C2orf74: variants seen among roughly 807,000 people sequenced by gnomAD.
The protein encoded by C2orf74 is uncharacterized protein C2orf74.
Under a neutral mutation model 17.9 loss-of-function variants are expected in C2orf74, and 14 were observed. That is an observed-to-expected ratio of 0.78 (90% CI 0.52 to 1.22). The LOEUF is 1.22. Among genes scored for constraint, C2orf74 ranks in the 50% most tolerant of loss-of-function variants. The probability of loss-of-function intolerance (pLI) is 0.00; values close to 1 mark genes in which losing one functional copy is unlikely to be tolerated. For missense variants in C2orf74, 217 were observed against 218.4 expected (o/e 0.99, Z 0.04); for synonymous variants, 79 against 72.6 (o/e 1.09, Z -0.44).
rs372773386 is a variant in C2orf74 at position 61,163,137 on chromosome 2, C to T, written c.295C>T (p.Pro99Ser). 13 of 1,551,994 alleles carry T rather than the reference C, an allele frequency of 8.4e-6. No homozygotes were observed. In the African/African-American group the frequency reaches 1.8e-4, roughly 21 times the overall value. The part of the protein sequence containing the change: ...QRQSKEVLAT[P>S]LENRRDMEAE... Reference sequence around the variant, plus strand: ...ACAGAGTAAGGAAGTGTTGGCCACACCCTTAGAAAACAGAAGGGACATGGA... The same window carrying T: ...ACAGAGTAAGGAAGTGTTGGCCACATCCTTAGAAAACAGAAGGGACATGGA... The change falls in exon 4 of 5, where the codon CCC becomes TCC. Residue 99 changes from proline to serine, a missense_variant. Transcript: ENST00000432605.
upstream of C2orf74, among the ~76,000 whole-genome samples, chr2:61,160,225 A>C (rs868405670): frequency 2.0e-5 from 3 of 151,632 alleles, no homozygotes; most frequent in Middle Eastern, 3.4e-3. Flanking sequence ...CTATGGTGCA[A>C]TTTTGGCTGA....
intron 4 of C2orf74, among the ~76,000 whole-genome samples, chr2:61,164,039 C>G (rs762532884): frequency 6.8e-4 from 104 of 152,184 alleles, no homozygotes; most frequent in Non-Finnish European, 1.2e-3. Context: ...TTCCCTGACA[C>G]GAACAACTCA....
upstream of C2orf74, among the ~76,000 whole-genome samples, chr2:61,159,032 C>T (rs1296729930): frequency 6.6e-6 from 1 of 152,120 alleles, no homozygotes; most frequent in African/African-American, 2.4e-5. Flanking sequence ...GGGTCTCACT[C>T]TGTCGCCAGG....
chr2:61,155,857 C>G (rs1487414340), intron 1 of C2orf74, among the ~76,000 whole-genome samples: 1 of 151,020 alleles, frequency 6.6e-6, no homozygotes, highest in Non-Finnish European at 1.5e-5. Flanking sequence ...AGTTTTAAAG[C>G]AGAACATTGC....
At chr2:61,159,295 C>CTTTT, upstream of C2orf74, 1 of 342,006 alleles carries the variant, frequency 2.9e-6, no homozygotes, top group South Asian at 2.3e-5. Flanking sequence ...CACACCCAGC[C>CTTTT]TTTTTTTTTT....
chr2:61,159,300 T>C, upstream of C2orf74: 1 of 401,814 alleles, frequency 2.5e-6, no homozygotes, highest in South Asian at 1.8e-5. Context: ...CCAGCCTTTT[T>C]TTTTTTCTTT....
At chr2:61,148,873 C>T (rs867806638) in intron 1 of C2orf74, among the ~76,000 whole-genome samples, 1 of 152,188 alleles carries the variant, frequency 6.6e-6, no homozygotes, top group Non-Finnish European at 1.5e-5. Context: ...CACAACACCA[C>T]ACCCCGCTAA....
In C2orf74 at chr2:61,152,851, C is replaced by CA. The variant is rs11334583; in HGVS notation, c.-122+7674dup. On this transcript the variant is annotated intron_variant, in intron 1 of 3. Transcript: ENST00000426997. ...CAACAAGAGTAAATCTCCATCTCAC[C>CA]AAAAAAAAAAAAAAAAAAAGCCAGG... Among the ~76,000 whole-genome samples, 67 of 82,642 alleles carry CA rather than the reference C, an allele frequency of 8.1e-4. 1 individual carries two copies. The highest frequency in any genetic ancestry group is 9.8e-4 in the Non-Finnish European group (40 of 40,860). 54.2% of individuals were successfully genotyped at this position (82,642 alleles called of 152,430 possible). A position where few individuals can be genotyped will look rare whatever the true frequency, so the allele number is the denominator to read the frequency against.
intron 1 of C2orf74, among the ~76,000 whole-genome samples, chr2:61,146,979 CA>C (rs1685089875): frequency 6.6e-6 from 1 of 152,004 alleles, no homozygotes; most frequent in African/African-American, 2.4e-5. Context: ...GGTGAAAACC[CA>C]CATCTACAAA....
intron 1 of C2orf74, among the ~76,000 whole-genome samples, chr2:61,150,040 A>G (rs1685181132): frequency 6.6e-6 from 1 of 152,188 alleles, no homozygotes; most frequent in Admixed American, 6.5e-5. Context: ...CATGTTGCAT[A>G]ATACTGGGTC....
chr2:61,162,951 G>T lies in C2orf74; in HGVS notation c.205G>T (p.Glu69Ter). 1 of 1,552,564 alleles carries T rather than the reference G, an allele frequency of 6.4e-7. No individual in the cohort carries two copies. Among genetic ancestry groups the T allele is most frequent in the South Asian group, 1.2e-5 (1 of 84,062 alleles). ...KVVTSNPEDH[E>*]RILMQVMNLN... is the part of the protein sequence containing the mutation. ...GGTGACAAGCAATCCAGAGGACCAT[G>T]AAAGGCGAGTGTGGTGCAGGATGTG... The change falls in exon 3 of 5, where the codon GAA becomes TAA. Residue 69 changes from glutamate (E) to a stop codon, truncating the protein, a stop_gained. Transcript: ENST00000432605. LOFTEE classifies it high-confidence loss of function.
exon 1 of C2orf74, chr2:61,145,146 A>T (rs1282555442): frequency 1.3e-5 from 2 of 152,456 alleles, no homozygotes; most frequent in Admixed American, 6.5e-5. Flanking sequence ...GTCGTCCGAG[A>T]GTCTTAAAAT....
rs1295413449 is a variant in C2orf74, at chr2:61,153,894, AAAAGAAAAAG to A, written c.-122+8708_-122+8717del. The stretch of plus-strand genomic sequence containing the variant: ...ACAGAGCAACACTCCGTCTCAAAAA[AAAAGAAAAAG>A]AAAGAAAAAAAGAAAATATGTCTTC... On this transcript the variant is annotated intron_variant, in intron 1 of 3. Coordinates refer to the C2orf74 transcript ENST00000426997. Among the ~76,000 whole-genome samples, 448 of 122,192 alleles carry A rather than the reference AAAAGAAAAAG, an allele frequency of 3.7e-3. 1 individual carries two copies. Among genetic ancestry groups the A allele is most frequent in the Non-Finnish European group, 4.9e-3 (278 of 56,624 alleles). 80.2% of individuals were successfully genotyped at this position (122,192 alleles called of 152,430 possible). A position where few individuals can be genotyped will look rare whatever the true frequency, so the allele number is the denominator to read the frequency against.
chr2:61,157,466 G>C (rs1442748280), upstream of C2orf74, among the ~76,000 whole-genome samples: 1 of 152,152 alleles, frequency 6.6e-6, no homozygotes, highest in Admixed American at 6.5e-5. Context: ...TGTTGGTCAG[G>C]AATCTTGGGG....
chr2:61,145,174 C>T (rs1685030954), exon 1 of C2orf74: 1 of 152,232 alleles, frequency 6.6e-6, no homozygotes, highest in Non-Finnish European at 1.5e-5. Flanking sequence ...TGGCCGGATT[C>T]CAGACTCGTG....
chr2:61,161,943 G>A (rs1212623063), upstream of C2orf74: 1 of 153,416 alleles, frequency 6.5e-6, no homozygotes, highest in African/African-American at 2.4e-5. Flanking sequence ...GGAAAGGAAA[G>A]GTGATGTTTG....
At chr2:61,150,876 GTC>G (rs937546521) in intron 1 of C2orf74, among the ~76,000 whole-genome samples, 1 of 152,184 alleles carries the variant, frequency 6.6e-6, no homozygotes, top group Non-Finnish European at 1.5e-5. Context: ...GAGGAATGTT[GTC>G]TCCTGAGGTG....
At chr2:61,151,126 G>T (rs1380804583) in intron 1 of C2orf74, among the ~76,000 whole-genome samples, 1 of 151,762 alleles carries the variant, frequency 6.6e-6, no homozygotes, top group Non-Finnish European at 1.5e-5. Flanking sequence ...GACCAGCCTG[G>T]CCAAGATGGT....
upstream of C2orf74, among the ~76,000 whole-genome samples, chr2:61,158,875 A>G (rs1263649368): frequency 1.3e-5 from 2 of 152,204 alleles, no homozygotes; most frequent in African/African-American, 4.8e-5. Context: ...TTATTCAGCA[A>G]ACTATACATA....
Sources: gnomAD v4.1 joint callset for allele counts (sites outside exome capture counted in the v4.1 genomes callset) on GRCh38, gnomAD v4.1.1 for gene constraint, MANE v1.5 for transcripts, NCBI Gene and HGNC (gene_info 2026-07-23, HGNC 2026-07-21) for gene names.